The following FRMD5 variants were observed in gnomAD, a reference collection of about 807,000 sequenced individuals.
FRMD5 encodes the protein FERM domain containing 5, also known as FERM domain-containing protein 5.
A neutral mutation model predicts 69.0 loss-of-function variants in FRMD5; 20 were observed. That is an observed-to-expected ratio of 0.29 (90% confidence interval 0.20 to 0.42). The LOEUF is 0.42. Ranked by LOEUF, FRMD5 falls within the 10% of genes least tolerant of loss-of-function variation. FRMD5 has a pLI of 1.00. For synonymous variants in FRMD5, 271 were observed against 260.1 expected, an observed-to-expected ratio of 1.04 and a Z score of -0.40; for missense variants, 595 against 708.6, an observed-to-expected ratio of 0.84 and a Z score of 1.82.
At chr15:44,000,466 T>G (rs1890162046) in intron 1 of FRMD5, among the ~76,000 whole-genome samples, 1 of 151,962 alleles carries the variant, frequency 6.6e-6, no homozygotes, top group African/African-American at 2.4e-5. Context: ...TCTATTTTTT[T>G]TTTTTTTTCT....
chr15:43,937,449 C>G (rs2089779991), intron 1 of FRMD5, among the ~76,000 whole-genome samples: 1 of 151,918 alleles, frequency 6.6e-6, no homozygotes, highest in Non-Finnish European at 1.5e-5. Context: ...ACCAGCCTGG[C>G]TAACATGGCA....
chr15:43,990,184 T>C (rs1041682457), intron 1 of FRMD5: 5 of 519,834 alleles, frequency 9.6e-6, no homozygotes, highest in African/African-American at 1.9e-5. Flanking sequence ...TCATCATCCA[T>C]GGTGAGCTGG....
intron 1 of FRMD5, among the ~76,000 whole-genome samples, chr15:44,152,921 C>A (rs1438472205): frequency 1.3e-5 from 2 of 151,478 alleles, no homozygotes; most frequent in Admixed American, 1.3e-4. Context: ...ATAGACATTT[C>A]TTCAAAGAAG....
At chr15:44,025,385 A>G (rs1192685325) in intron 1 of FRMD5, among the ~76,000 whole-genome samples, 1 of 152,168 alleles carries the variant, frequency 6.6e-6, no homozygotes, top group Non-Finnish European at 1.5e-5. Flanking sequence ...GATAAGAAGG[A>G]TATTCTAGCA....
chr15:43,889,861 A>T (rs949067493), intron 8 of FRMD5, among the ~76,000 whole-genome samples: 3 of 152,164 alleles, frequency 2.0e-5, no homozygotes, highest in Non-Finnish European at 4.4e-5. Flanking sequence ...CTTGTCATGC[A>T]CATTCACCTC....
At chr15:43,948,362 C>A (rs2089978646) in intron 1 of FRMD5, among the ~76,000 whole-genome samples, 1 of 152,206 alleles carries the variant, frequency 6.6e-6, no homozygotes, top group Admixed American at 6.5e-5. Context: ...GTGTACATTT[C>A]TGCCACCCAC....
chr15:43,923,841 C>T (rs567901879), intron 2 of FRMD5, among the ~76,000 whole-genome samples: 1 of 152,196 alleles, frequency 6.6e-6, no homozygotes, highest in Non-Finnish European at 1.5e-5. Flanking sequence ...TTTGGTGAGG[C>T]CTTTCCTAAC....
chr15:43,893,400 G>A (rs1266445787), intron 7 of FRMD5, among the ~76,000 whole-genome samples: 1 of 152,174 alleles, frequency 6.6e-6, no homozygotes, highest in Non-Finnish European at 1.5e-5. Context: ...ATAGTGGGGA[G>A]CGGGCGGAGC....
rs143360268 is a variant in FRMD5, at chr15:43,930,197, T to G, written c.103-5888A>C. Among the ~76,000 whole-genome samples the G allele has an allele frequency of 4.9e-3, 753 of 152,302 alleles. 12 individuals are homozygous for G. Among genetic ancestry groups the G allele is most frequent in the African/African-American group, 0.017 (719 of 41,564 alleles). On this transcript the variant is annotated intron_variant, in intron 1 of 13. Coordinates refer to ENST00000417257, the MANE Select transcript of FRMD5 (RefSeq NM_032892.5). ...TCTTGGCCCAGGAGCTCACTTTTCC[T>G]GCTTAGTCGTAAACCAATGAAATCT...
chr15:43,892,084 G>T lies in FRMD5; in HGVS notation c.640-15C>A, dbSNP rs2088806661. On this transcript the variant is annotated splice_polypyrimidine_tract_variant and intron_variant, in intron 7 of 13. Coordinates refer to ENST00000417257, the MANE Select transcript of FRMD5 (RefSeq NM_032892.5). ...CCTGACACGTCCTGCAACACAGAAA[G>T]ACTTCTCATCGGGTGATGCAGGCAC... 1 of 1,612,066 alleles carries T rather than the reference G, an allele frequency of 6.2e-7. No individual in the cohort carries two copies. Among genetic ancestry groups the T allele is most frequent in the South Asian group, 1.1e-5 (1 of 91,016 alleles).
At chr15:43,877,008 C>T (rs1177034561) in intron 13 of FRMD5, among the ~76,000 whole-genome samples, 2 of 152,204 alleles carry the variant, frequency 1.3e-5, no homozygotes, top group Non-Finnish European at 1.5e-5. Context: ...GCTGGTTACA[C>T]TCTCAACTGA....
At chr15:44,013,802 T>C (rs1443633492) in intron 1 of FRMD5, among the ~76,000 whole-genome samples, 1 of 151,104 alleles carries the variant, frequency 6.6e-6, no homozygotes, top group Admixed American at 6.6e-5. Flanking sequence ...GTTAGAGGAA[T>C]GAAAGGAAAT....
chr15:43,874,128 C>G lies in FRMD5; in HGVS notation c.1470G>C (p.Glu490Asp). The G allele has an allele frequency of 1.2e-6, 2 of 1,614,198 alleles. No individual in the cohort carries two copies. The highest frequency in any genetic ancestry group is 8.5e-7 in the Non-Finnish European group (1 of 1,180,024). ...RALCQGHSGP[E>D]EEQVNKFVLS... ...GAACAAACTTATTCACCTGTTCCTC[C>G]TCGGGCCCGCTGTGCCCCTGACACA... The change falls in exon 14 of 14, where the codon GAG becomes GAC. Residue 490 changes from glutamate (E) to aspartate (D), a missense_variant. Physicochemically the swap from Glu to Asp is conservative, Grantham distance 45 (BLOSUM62 2). Around this residue, in one of 5 missense-constraint regions of FRMD5, gnomAD observed 245 missense variants for 227.1 expected, o/e 1.08. Transcript: ENST00000417257.
At chr15:44,117,901 A>G (rs964762152) in intron 1 of FRMD5, among the ~76,000 whole-genome samples, 5 of 151,978 alleles carry the variant, frequency 3.3e-5, no homozygotes, top group African/African-American at 1.2e-4. Context: ...CACTCTCAAA[A>G]CCACTCAGCC....
At chr15:43,967,826 T>C (rs1295337212) in intron 1 of FRMD5, among the ~76,000 whole-genome samples, 2 of 152,080 alleles carry the variant, frequency 1.3e-5, no homozygotes, top group Admixed American at 1.3e-4. Flanking sequence ...GGTATACATG[T>C]GTCATGATGG....
intron 1 of FRMD5, among the ~76,000 whole-genome samples, chr15:43,985,531 T>A (rs1188010510): frequency 6.6e-6 from 1 of 152,144 alleles, no homozygotes; most frequent in Admixed American, 6.5e-5. Flanking sequence ...AACTTGGCTA[T>A]AATATGGAGA....
chr15:44,126,795 CTG>C (rs967510159), intron 1 of FRMD5, among the ~76,000 whole-genome samples: 2 of 152,186 alleles, frequency 1.3e-5, no homozygotes, highest in Non-Finnish European at 2.9e-5. Context: ...ATCTTCCAAC[CTG>C]TCATTGCCTA....
At chr15:44,037,566 C>T (rs781619677) in intron 1 of FRMD5, among the ~76,000 whole-genome samples, 11 of 149,874 alleles carry the variant, frequency 7.3e-5, no homozygotes, top group Admixed American at 4.0e-4. Flanking sequence ...CTCCCAGGTT[C>T]GAGCAATTCT....
At chr15:43,888,763 T>C (rs754070922) in intron 9 of FRMD5, 46 bp downstream of exon 9, 1 of 1,532,222 alleles carries the variant, frequency 6.5e-7, no homozygotes, top group Admixed American at 1.7e-5. Context: ...CCAGGAAGCA[T>C]CCCATCACCC....
Sources: allele counts gnomAD v4.1 joint callset (sites outside exome capture counted in the v4.1 genomes callset), GRCh38; gene constraint gnomAD v4.1.1; regional missense constraint gnomAD v4.1.1; transcripts MANE v1.5; gene names NCBI Gene and HGNC (gene_info 2026-07-23, HGNC 2026-07-21).